The following RPL28 variants were observed in gnomAD, a reference collection of about 807,000 sequenced individuals.
The protein encoded by RPL28 is ribosomal protein L28.
In RPL28, 4 loss-of-function variants were observed where a neutral mutation model predicts 12.5. The observed-to-expected ratio is 0.32, with a 90% CI of 0.16 to 0.73. RPL28 has a LOEUF of 0.73. Ranked by LOEUF, RPL28 falls within the 30% of genes least tolerant of loss-of-function variation. The pLI, the probability that RPL28 is intolerant of heterozygous loss-of-function variation, is 0.66. For synonymous variants in RPL28, 91 were observed against 72.5 expected, an observed-to-expected ratio of 1.26 and a Z score of -1.30; for missense variants, 214 against 197.7, an observed-to-expected ratio of 1.08 and a Z score of -0.49.
At chr19:55,387,231 A>G (rs1018752855) in intron 3 of RPL28, 6 of 1,507,128 alleles carry the variant, frequency 4.0e-6, no homozygotes, top group South Asian at 1.2e-5. Flanking sequence ...GGGGTCTCTA[A>G]TGGAGGAGTC....
At chr19:55,400,633 C>T (rs1226374005) in intron 4 of RPL28, 1 of 152,300 alleles carries the variant, frequency 6.6e-6, no homozygotes, top group African/African-American at 2.4e-5. Flanking sequence ...AGCCAACAAC[C>T]ATGAGCATGG....
chr19:55,396,957 G>A (rs1398919831), downstream of RPL28, among the ~76,000 whole-genome samples: 1 of 151,874 alleles, frequency 6.6e-6, no homozygotes, highest in Non-Finnish European at 1.5e-5. Context: ...TTGGCTCACT[G>A]CAACCTCTGC....
At chr19:55,387,465 C>G (rs995833509) in intron 3 of RPL28, 6 of 1,485,656 alleles carry the variant, frequency 4.0e-6, no homozygotes, top group Non-Finnish European at 5.3e-6. Context: ...TGAAAGCTTT[C>G]ACCTCTTGGA....
downstream of RPL28, among the ~76,000 whole-genome samples, chr19:55,392,919 C>T (rs577835264): frequency 9.9e-5 from 15 of 152,248 alleles, no homozygotes; most frequent in South Asian, 2.7e-3. Flanking sequence ...TGGGCTGTCT[C>T]TCCATCAGCA....
In RPL28 at chr19:55,389,174, A is replaced by G. The variant is rs2089965480; in HGVS notation, c.*842A>G. 3.1e-6 allele frequency: 3 copies of G among 972,350 alleles called. No homozygotes were observed. The highest frequency in any genetic ancestry group is 3.7e-6 in the Non-Finnish European group (3 of 820,622). 60.2% of individuals were successfully genotyped at this position (972,350 alleles called of 1,614,324 possible). A position where few individuals can be genotyped will look rare whatever the true frequency, so the allele number is the denominator to read the frequency against. ...AGTTTGAGACCATCCTAGGCAACAT[A>G]ATGAGACACCGTCTCTAAAATAAAA... On this transcript the variant is annotated 3_prime_UTR_variant, in exon 5 of 5. Transcript: ENST00000344063.
At position 55,385,959 on chromosome 19, in the gene RPL28, A is replaced by C. The variant is rs17700376; in HGVS notation, c.-15A>C. ...CTTTCCGTCTCAGGTCGCCGCTGCG[A>C]AGGGAGGTGAGCGTTCGTCTTCCTC... is the stretch of plus-strand genomic sequence containing the variant. On this transcript the variant is annotated 5_prime_UTR_variant, in exon 1 of 5. Coordinates refer to ENST00000344063, the MANE Select transcript of RPL28 (RefSeq NM_000991.5). 2.9e-5 allele frequency: 7 copies of C among 240,618 alleles called. No individual in the cohort carries two copies. The South Asian group carries it at 3.3e-4, about 11-fold the overall frequency. The allele number at this position is 240,618 out of a possible 1,614,324, so 14.9% of individuals were successfully genotyped here. A position where few individuals can be genotyped will look rare whatever the true frequency, so the allele number is the denominator to read the frequency against.
chr19:55,401,733 G>A (rs757122797), intron 4 of RPL28: 1 of 1,613,394 alleles, frequency 6.2e-7, no homozygotes, highest in Non-Finnish European at 8.5e-7. Context: ...CAGACTCGGG[G>A]TTAGGGTGGA....
In RPL28 at chr19:55,401,466, C is replaced by T. The variant is rs373411270; in HGVS notation, c.325-1477C>T. On this transcript the variant is annotated intron_variant, in intron 4 of 4. Transcript: ENST00000560055. ...GCCGCCGCAGCGCCCGCTTCTTGTC[C>T]GTCTTTTTCTTGGCCGCCAGCTTCT... The T allele has an allele frequency of 1.4e-4, 218 of 1,606,966 alleles. 1 individual carries two copies. Among genetic ancestry groups the T allele is most frequent in the Non-Finnish European group, 1.6e-4 (185 of 1,179,508 alleles).
chr19:55,400,772 C>A (rs760242644), intron 4 of RPL28: 1 of 152,356 alleles, frequency 6.6e-6, no homozygotes, highest in Non-Finnish European at 1.5e-5. Flanking sequence ...TGTTTTAAGC[C>A]GCTGGCTTTG....
At chr19:55,396,274 A>C (rs2090021655), downstream of RPL28, among the ~76,000 whole-genome samples, 1 of 151,894 alleles carries the variant, frequency 6.6e-6, no homozygotes, top group Non-Finnish European at 1.5e-5. Context: ...CTTGTAAAAA[A>C]AAAAAAACTT....
Position 55,391,532 on chromosome 19 carries a change from C to T in RPL28, c.*3200C>T. ...TCCCCACAGCAGCAGAGACTCGGGA[C>T]TGAGGCATCCTCTGTTCACAGGACA... On this transcript the variant is annotated 3_prime_UTR_variant, in exon 5 of 5. Transcript: ENST00000344063. 1 of 1,501,350 alleles carries T rather than the reference C, an allele frequency of 6.7e-7. No homozygotes were observed. The highest frequency in any genetic ancestry group is 9.0e-7 in the Non-Finnish European group (1 of 1,112,512). 93.0% of individuals were successfully genotyped at this position (1,501,350 alleles called of 1,614,324 possible).
At position 55,402,541 on chromosome 19, in the gene RPL28, A is replaced by G. The variant is rs1017470561; in HGVS notation, c.325-402A>G. Among the ~76,000 whole-genome samples, 11 of 152,316 alleles carry G rather than the reference A, an allele frequency of 7.2e-5. No homozygotes were observed. In the East Asian group the frequency reaches 1.2e-3, roughly 16 times the overall value. ...TGGGTCTGGGCAAACTGGCCACAGC[A>G]GTTTGCTCCCTGGGGCCACTATGAC... On this transcript the variant is annotated intron_variant, in intron 4 of 4. Coordinates refer to the RPL28 transcript ENST00000560055.
At position 55,390,823 on chromosome 19, in the gene RPL28, G is replaced by A; in HGVS notation, c.*2491G>A. 11 of 985,446 alleles carry A rather than the reference G, an allele frequency of 1.1e-5. No individual in the cohort carries two copies. The highest frequency in any genetic ancestry group is 1.3e-5 in the Non-Finnish European group (11 of 829,936). 61.0% of individuals were successfully genotyped at this position (985,446 alleles called of 1,614,324 possible). A position where few individuals can be genotyped will look rare whatever the true frequency, so the allele number is the denominator to read the frequency against. ...GATGGTCTCAGCCCCACAGAGTTTG[G>A]AGTCCTCAGTGTGCTGAGCAAACGT... On this transcript the variant is annotated 3_prime_UTR_variant, in exon 5 of 5. Coordinates refer to ENST00000344063, the MANE Select transcript of RPL28 (RefSeq NM_000991.5).
intron 4 of RPL28, chr19:55,401,809 G>A (rs1263284653): frequency 6.2e-7 from 1 of 1,603,760 alleles, no homozygotes. Flanking sequence ...AACCTACAGG[G>A]ACCCCCAGGC....
At position 55,391,942 on chromosome 19, in the gene RPL28, C is replaced by T. The variant is rs1423541805; in HGVS notation, c.*3610C>T. ...GCCGTCCTGTGGGGCTGTGAGCTTT[C>T]CCAGCCTCCTGCCCGTGTTTGTGAA... On this transcript the variant is annotated 3_prime_UTR_variant, in exon 5 of 5. Transcript: ENST00000344063. 8.0e-7 allele frequency: 1 copy of T among 1,252,522 alleles called. No individual in the cohort carries two copies. The highest frequency in any genetic ancestry group is 3.3e-5 in the East Asian group (1 of 30,460). 77.6% of individuals were successfully genotyped at this position (1,252,522 alleles called of 1,614,324 possible). A position where few individuals can be genotyped will look rare whatever the true frequency, so the allele number is the denominator to read the frequency against.
chr19:55,395,143 TTTA>T (rs1283232151), downstream of RPL28, among the ~76,000 whole-genome samples: 3 of 152,044 alleles, frequency 2.0e-5, no homozygotes, highest in Non-Finnish European at 4.4e-5. Context: ...TATTTATTTA[TTTA>T]TTTTTTTGAG....
chr19:55,391,567 C>G lies in RPL28; in HGVS notation c.*3235C>G, dbSNP rs2089990032. 1 of 1,539,634 alleles carries G rather than the reference C, an allele frequency of 6.5e-7. No individual in the cohort carries two copies. Among genetic ancestry groups the G allele is most frequent in the African/African-American group, 1.4e-5 (1 of 72,886 alleles). Reference sequence around the variant, plus strand: ...CTCTGTTCACAGGACATGCTGGCATCTACTGGGTCAGGGCTCTGCTGCTCG... The same window carrying G: ...CTCTGTTCACAGGACATGCTGGCATGTACTGGGTCAGGGCTCTGCTGCTCG... On this transcript the variant is annotated 3_prime_UTR_variant, in exon 5 of 5. Transcript: ENST00000344063.
At chr19:55,401,164 G>A in intron 4 of RPL28, 2 of 518,360 alleles carry the variant, frequency 3.9e-6, no homozygotes, top group Non-Finnish European at 6.8e-6. Flanking sequence ...GAGCTAGATG[G>A]ACCCACTGCT....
chr19:55,390,763 G>T lies in RPL28; in HGVS notation c.*2431G>T. On this transcript the variant is annotated 3_prime_UTR_variant, in exon 5 of 5. Transcript: ENST00000344063. ...GTATCTGAATGCTATCGGTGGGTTG[G>T]GGTGGAGGAACCAGGAGAGGGCTGG... 4 of 985,474 alleles carry T rather than the reference G, an allele frequency of 4.1e-6. No homozygotes were observed. The highest frequency in any genetic ancestry group is 4.8e-6 in the Non-Finnish European group (4 of 829,986). The allele number at this position is 985,474 out of a possible 1,614,324, so 61.0% of individuals were successfully genotyped here.
Sources: allele counts gnomAD v4.1 joint callset (sites outside exome capture counted in the v4.1 genomes callset), GRCh38; gene constraint gnomAD v4.1.1; transcripts MANE v1.5; gene names NCBI Gene and HGNC (gene_info 2026-07-23, HGNC 2026-07-21).